The following NBAS variants were observed in gnomAD, a reference collection of about 807,000 sequenced individuals.
NBAS encodes NBAS subunit of NRZ tethering complex.
Under a neutral mutation model 302.5 loss-of-function variants are expected in NBAS, and 219 were observed. That is an observed-to-expected ratio of 0.72 (90% CI 0.65 to 0.81). The LOEUF is 0.81. Among genes scored for constraint, NBAS ranks in the 30% least tolerant of loss-of-function variants. The pLI, the probability that NBAS is intolerant of heterozygous loss-of-function variation, is 0.00. For missense variants in NBAS, 2,932 were observed against 2,841.6 expected (o/e 1.03, Z -0.72); for synonymous variants, 1,118 against 1,021.6 (o/e 1.09, Z -1.80).
chr2:15,045,904 A>G, the NBAS span, among the ~76,000 whole-genome samples: 1 of 152,200 alleles, frequency 6.6e-6, no homozygotes, highest in African/African-American at 2.4e-5. Flanking sequence ...AAAGGTTTGT[A>G]GACAAAGCCT....
intron 14 of NBAS, among the ~76,000 whole-genome samples, 167 bp downstream of exon 14, chr2:15,475,516 ATTTT>A (rs1203897560): frequency 6.6e-6 from 1 of 152,146 alleles, no homozygotes; most frequent in Non-Finnish European, 1.5e-5. Flanking sequence ...ATAATTGCAA[ATTTT>A]TTTATTCACT....
chr2:15,185,727 T>C (rs1005533663), intron 50 of NBAS, among the ~76,000 whole-genome samples: 10 of 152,134 alleles, frequency 6.6e-5, no homozygotes, highest in African/African-American at 2.2e-4. Flanking sequence ...AATAATTGTG[T>C]CATTCTGGTA....
intron 25 of NBAS, among the ~76,000 whole-genome samples, chr2:15,403,981 T>C (rs1294370482): frequency 1.3e-5 from 2 of 151,064 alleles, no homozygotes; most frequent in Non-Finnish European, 2.9e-5. Context: ...CCTCAAGTGA[T>C]CCTCCTGCCT....
At chr2:15,535,708 C>T (rs1162043907) in intron 8 of NBAS, among the ~76,000 whole-genome samples, 1 of 151,904 alleles carries the variant, frequency 6.6e-6, no homozygotes, top group Non-Finnish European at 1.5e-5. Context: ...CTATATTGTT[C>T]AGAGAATGAC....
intron 47 of NBAS, among the ~76,000 whole-genome samples, chr2:15,220,159 G>A (rs1666883162): frequency 1.4e-5 from 2 of 147,936 alleles, no homozygotes; most frequent in African/African-American, 2.5e-5. Flanking sequence ...CCCGGACGGG[G>A]CGGCTGGCCG....
At chr2:15,038,683 G>C in the NBAS span, among the ~76,000 whole-genome samples, 1 of 141,844 alleles carries the variant, frequency 7.1e-6, no homozygotes, top group African/African-American at 2.7e-5. Context: ...ACTTCTGGAA[G>C]CCCTTCCTCC....
chr2:15,530,602 A>G (rs1033260352), intron 9 of NBAS, among the ~76,000 whole-genome samples: 1 of 152,150 alleles, frequency 6.6e-6, no homozygotes, highest in African/African-American at 2.4e-5. Flanking sequence ...TTTATACAGA[A>G]AAAATTAAAC....
the NBAS span, among the ~76,000 whole-genome samples, chr2:15,078,111 G>A: frequency 6.6e-6 from 1 of 152,180 alleles, no homozygotes; most frequent in Non-Finnish European, 1.5e-5. Context: ...GCCCCAAGGT[G>A]TGGTAGGACT....
At chr2:14,869,753 T>C in the NBAS span, among the ~76,000 whole-genome samples, 1 of 152,190 alleles carries the variant, frequency 6.6e-6, no homozygotes, top group Non-Finnish European at 1.5e-5. Flanking sequence ...CCTTATCCAT[T>C]TACCACCAAA....
intron 21 of NBAS, among the ~76,000 whole-genome samples, chr2:15,437,669 T>C (rs1470832603): frequency 1.3e-5 from 2 of 152,194 alleles, no homozygotes; most frequent in African/African-American, 2.4e-5. Flanking sequence ...ACTAAAGAAT[T>C]TGAAGAAAAC....
At chr2:15,189,813 A>G (rs1265106770) in intron 49 of NBAS, among the ~76,000 whole-genome samples, 2 of 152,188 alleles carry the variant, frequency 1.3e-5, no homozygotes, top group Non-Finnish European at 2.9e-5. Flanking sequence ...CTTCATGTAT[A>G]AAATCAGATA....
chr2:15,037,104 CT>C, the NBAS span, among the ~76,000 whole-genome samples: 1 of 152,132 alleles, frequency 6.6e-6, no homozygotes, highest in Non-Finnish European at 1.5e-5. Context: ...ACGGTAAAGG[CT>C]AATCTGATGA....
At chr2:15,120,188 A>G in the NBAS span, among the ~76,000 whole-genome samples, 2 of 152,230 alleles carry the variant, frequency 1.3e-5, no homozygotes, top group Non-Finnish European at 2.9e-5. Context: ...GTTATAGGAA[A>G]GCACGGCAGC....
intron 35 of NBAS, among the ~76,000 whole-genome samples, chr2:15,351,536 G>A (rs1195743905): frequency 6.6e-6 from 1 of 152,024 alleles, no homozygotes; most frequent in African/African-American, 2.4e-5. Context: ...AAATTAGCCT[G>A]GTGTGGTGGC....
At chr2:14,971,502 G>A in the NBAS span, among the ~76,000 whole-genome samples, 15 of 152,092 alleles carry the variant, frequency 9.9e-5, no homozygotes, top group Non-Finnish European at 1.9e-4. Flanking sequence ...GCGACAGAGC[G>A]AGACTCTGTC....
intron 9 of NBAS, among the ~76,000 whole-genome samples, chr2:15,518,902 T>C (rs768549584): frequency 4.6e-5 from 7 of 152,006 alleles, no homozygotes; most frequent in Admixed American, 1.3e-4. Context: ...ACCCATTCAC[T>C]ATCATGAGAA....
intron 28 of NBAS, among the ~76,000 whole-genome samples, chr2:15,387,005 T>C (rs1040641014): frequency 1.3e-5 from 2 of 152,182 alleles, no homozygotes; most frequent in African/African-American, 2.4e-5. Flanking sequence ...ACACAAAGTA[T>C]GTCAAAATCC....
intron 46 of NBAS, among the ~76,000 whole-genome samples, chr2:15,233,320 A>C (rs1667457240): frequency 6.6e-6 from 1 of 152,210 alleles, no homozygotes; most frequent in Admixed American, 6.5e-5. Flanking sequence ...GATCAGAACC[A>C]AATCTTTAGT....
At chr2:14,888,284 C>A in the NBAS span, among the ~76,000 whole-genome samples, 2 of 152,124 alleles carry the variant, frequency 1.3e-5, no homozygotes, top group South Asian at 4.1e-4. Context: ...GTGTGTGCCA[C>A]CACACCCGGC....
Sources: gnomAD v4.1 joint callset for allele counts (sites outside exome capture counted in the v4.1 genomes callset) on GRCh38, gnomAD v4.1.1 for gene constraint, MANE v1.5 for transcripts, NCBI Gene and HGNC (gene_info 2026-07-23, HGNC 2026-07-21) for gene names.